Variants in MTSS2 observed in about 807,000 individuals in gnomAD.
MTSS2 encodes the protein MTSS I-BAR domain containing 2, also known as protein MTSS 2.
Under a neutral mutation model 67.1 loss-of-function variants are expected in MTSS2, and 27 were observed. That is an observed-to-expected ratio of 0.40 (90% CI 0.30 to 0.55). MTSS2 has a LOEUF of 0.55. Ranked by LOEUF, MTSS2 falls within the 20% of genes least tolerant of loss-of-function variation. The pLI, the probability that MTSS2 is intolerant of heterozygous loss-of-function variation, is 0.43. For missense variants in MTSS2, 1,171 were observed against 1,067.8 expected, an observed-to-expected ratio of 1.10 and a Z score of -1.35; for synonymous variants, 624 against 468.6, an observed-to-expected ratio of 1.33 and a Z score of -4.28.
intron 7 of MTSS2, among the ~76,000 whole-genome samples, chr16:70,678,721 C>G (rs1265254227): frequency 6.6e-6 from 1 of 152,258 alleles, no homozygotes; most frequent in African/African-American, 2.4e-5. Flanking sequence ...CTGGCCTCCA[C>G]CTGGGGTACC....
In MTSS2 at chr16:70,676,953, T is replaced by C; in HGVS notation, c.758A>G (p.Asp253Gly). ...TGGGGTCTGGTAGGACCAGCTGTAG[T>C]CCGAGCCCTTTAGGTCTTTGATTAC... ...EQVIKDLKGS[D>G]YSWSYQTPPS... The change falls in exon 10 of 15, where the codon GAC (aspartate) becomes GGC (glycine). Residue 253 changes from aspartate (D) to glycine (G), a missense_variant. By Grantham distance (94) the Asp-to-Gly change is moderately conservative. Around this residue, in one of 2 missense-constraint regions of MTSS2, gnomAD observed 924 missense variants for 756.0 expected, o/e 1.22. Transcript: ENST00000338779. The C allele has an allele frequency of 6.2e-7, 1 of 1,613,814 alleles. No individual in the cohort carries two copies. Among genetic ancestry groups the C allele is most frequent in the Non-Finnish European group, 8.5e-7 (1 of 1,179,928 alleles).
At position 70,663,885 on chromosome 16, in the gene MTSS2, C is replaced by CCCAGCTTCTCCA. The variant is rs1046982140; in HGVS notation, c.2024_2035dup (p.Val675_Leu678dup). 3 of 1,546,716 alleles carry CCCAGCTTCTCCA rather than the reference C, an allele frequency of 1.9e-6. No individual in the cohort carries two copies. Among genetic ancestry groups the CCCAGCTTCTCCA allele is most frequent in the Non-Finnish European group, 2.6e-6 (3 of 1,147,960 alleles). On this transcript the variant is annotated inframe_insertion, in exon 15 of 15. Coordinates refer to ENST00000338779, the MANE Select transcript of MTSS2 (RefSeq NM_138383.3). Reference sequence around the variant, plus strand: ...TGCGTGGGCACCCGCCACCAGCTCCCCCAGCTTCTCCACCAGGCTGTGCCG... The same window carrying CCCAGCTTCTCCA: ...TGCGTGGGCACCCGCCACCAGCTCCCCCAGCTTCTCCACCAGCTTCTCCACCAGGCTGTGCCG...
At position 70,665,447 on chromosome 16, in the gene MTSS2, C is replaced by T. The variant is rs1299085099; in HGVS notation, c.1128+19G>A. On this transcript the variant is annotated intron_variant, in intron 12 of 14. Transcript: ENST00000338779. Reference sequence around the variant, plus strand: ...GGGGCAGCTGGTGACTGTCCTGGGGCCGGGCTGGGAGCACTGACCGAGGTG... The same window carrying T: ...GGGGCAGCTGGTGACTGTCCTGGGGTCGGGCTGGGAGCACTGACCGAGGTG... 2 of 1,547,920 alleles carry T rather than the reference C, an allele frequency of 1.3e-6. No individual in the cohort carries two copies. Among genetic ancestry groups the T allele is most frequent in the East Asian group, 2.4e-5 (1 of 41,192 alleles).
chr16:70,679,137 GCCAGGGACCCCGGGGGCC>G (rs1018039092), intron 7 of MTSS2, among the ~76,000 whole-genome samples, 160 bp downstream of exon 7: 9 of 152,192 alleles, frequency 5.9e-5, no homozygotes, highest in Middle Eastern at 3.4e-3. Context: ...CTCATCCCTG[GCCAGGGACCCCGGGGGCC>G]CCAGGGGGAC....
intron 3 of MTSS2, 49 bp from the exon 4 acceptor site, chr16:70,680,104 G>C: frequency 7.6e-7 from 1 of 1,310,120 alleles, no homozygotes; most frequent in South Asian, 1.8e-5. Flanking sequence ...GGCCTGCGCA[G>C]TCCCGGCCTC....
chr16:70,680,088 C>G, intron 3 of MTSS2, 33 bp from the exon 4 acceptor site: 1 of 1,441,924 alleles, frequency 6.9e-7, no homozygotes, highest in African/African-American at 1.5e-5. Flanking sequence ...GGAAGGGGCC[C>G]GCTGGGGCCT....
At position 70,664,678 on chromosome 16, in the gene MTSS2, C is replaced by T. The variant is rs371128675; in HGVS notation, c.1391G>A (p.Arg464Gln). The change falls in exon 14 of 15, where the codon CGG (arginine) becomes CAG (glutamine). Residue 464 changes from arginine (R) to glutamine (Q), a missense_variant. Arg to Gln is a conservative substitution (Grantham distance 43, BLOSUM62 1). This residue lies in a region of MTSS2 where 924 missense variants were observed against 756.0 expected (regional missense o/e 1.22). Coordinates refer to ENST00000338779, the MANE Select transcript of MTSS2 (RefSeq NM_138383.3). ...GCCGCTGGAGTACTGCAGCGAGTCC[C>T]GGCTGCTCTTCTGGTGCTCCAGGCT... ...GLSLEHQKSSRDSLQYSSGYS... is the reference protein window; with the variant it reads ...GLSLEHQKSSQDSLQYSSGYS... The T allele has an allele frequency of 1.2e-5, 20 of 1,613,338 alleles. No homozygotes were observed. Among genetic ancestry groups the T allele is most frequent in the East Asian group, 6.7e-5 (3 of 44,866 alleles).
chr16:70,665,320 G>C, intron 12 of MTSS2, 146 bp downstream of exon 12: 1 of 996,224 alleles, frequency 1.0e-6, no homozygotes, highest in Non-Finnish European at 1.4e-6. Flanking sequence ...GAAATGGCCA[G>C]GTGGCTTGTC....
chr16:70,665,442 T>G, intron 12 of MTSS2, 24 bp downstream of exon 12: 1 of 1,546,548 alleles, frequency 6.5e-7, no homozygotes, highest in Non-Finnish European at 8.7e-7. Flanking sequence ...GTGACTGTCC[T>G]GGGGCCGGGC....
rs570244146 is a variant in MTSS2 at position 70,661,744 on chromosome 16, C to G, written c.*1933G>C. On this transcript the variant is annotated 3_prime_UTR_variant, in exon 15 of 15. Transcript: ENST00000338779. ...CGGAGTCGGTGGGGGCTGTGCCACA[C>G]GAGCCCCCCTCTCTGGGTAGCCCCT... 4.8e-6 allele frequency: 1 copy of G among 209,036 alleles called. No individual in the cohort carries two copies. The highest frequency in any genetic ancestry group is 9.7e-6 in the Non-Finnish European group (1 of 103,476). The allele number at this position is 209,036 out of a possible 1,614,324, so 12.9% of individuals were successfully genotyped here.
intron 13 of MTSS2, 29 bp from the exon 14 acceptor site, chr16:70,664,792 C>T (rs376650494): frequency 1.9e-5 from 30 of 1,580,058 alleles, no homozygotes; most frequent in South Asian, 3.4e-5. Flanking sequence ...AGGCTGAAGC[C>T]TTGCGCCCCC....
chr16:70,678,194 G>T, intron 8 of MTSS2, 58 bp downstream of exon 8: 1 of 1,535,440 alleles, frequency 6.5e-7, no homozygotes, highest in Non-Finnish European at 8.7e-7. Flanking sequence ...TTGGAGGTCA[G>T]AAGGTCAACC....
At position 70,664,746 on chromosome 16, in the gene MTSS2, G is replaced by A. The variant is rs2052636136; in HGVS notation, c.1323C>T (p.Ser441=). 3 of 1,611,788 alleles carry A rather than the reference G, an allele frequency of 1.9e-6. No individual in the cohort carries two copies. The change falls in exon 14 of 15, where the codon TCC becomes TCT. Residue 441 remains serine (S), a synonymous_variant. Transcript: ENST00000338779. ...CCATGGCCAGGTCACTGGCGGCGGG[G>A]GACACCTCCTCACCGTGCTGAGGGT... ...TIAAKHGEEV[S]PAASDLAMVL...
In MTSS2 at chr16:70,665,551, G is replaced by C; in HGVS notation, c.1054-11C>G. ...AGAGCTGGAGGACTTCTGCCATGCAGAGGCCAGCAGGCGGTTGCAGACAGA... is the reference window on the plus strand; with the variant it reads ...AGAGCTGGAGGACTTCTGCCATGCACAGGCCAGCAGGCGGTTGCAGACAGA... On this transcript the variant is annotated splice_polypyrimidine_tract_variant and intron_variant, in intron 11 of 14. Transcript: ENST00000338779. The C allele has an allele frequency of 6.5e-7, 1 of 1,545,764 alleles. No homozygotes were observed.
intron 11 of MTSS2, 45 bp downstream of exon 11, chr16:70,674,261 G>C: frequency 3.2e-6 from 5 of 1,576,674 alleles, no homozygotes; most frequent in Non-Finnish European, 4.3e-6. Flanking sequence ...GCTGGCATAA[G>C]GCTGCTGCAC....
intron 1 of MTSS2, among the ~76,000 whole-genome samples, chr16:70,683,499 G>C (rs1025281447): frequency 6.6e-6 from 1 of 152,222 alleles, no homozygotes; most frequent in African/African-American, 2.4e-5. Flanking sequence ...TGAAGAGTAT[G>C]ACCCCATTTT....
intron 10 of MTSS2, among the ~76,000 whole-genome samples, chr16:70,675,934 C>T (rs1425534883): frequency 6.6e-6 from 1 of 152,242 alleles, no homozygotes; most frequent in Non-Finnish European, 1.5e-5. Flanking sequence ...GGGTGGTGTT[C>T]CTGGCTAAGC....
intron 12 of MTSS2, 78 bp from the exon 13 acceptor site, chr16:70,665,174 G>C (rs1171095490): frequency 1.4e-6 from 2 of 1,473,498 alleles, no homozygotes; most frequent in Non-Finnish European, 1.8e-6. Flanking sequence ...CTGTGGCTGA[G>C]GCTCAGGGTG....
chr16:70,664,949 G>T lies in MTSS2; in HGVS notation c.1276C>A (p.Arg426=). The part of the protein sequence containing the change: ...GPSGEEAPRP[R]MSPATIAAKH... ...GCTGCGATGGTGGCAGGGGACATCC[G>T]GGGTCGCGGTGCCTCTTCCCCGCTG... Residue 426 remains arginine, a synonymous_variant, in exon 13 of 15, where the codon CGG becomes AGG. Transcript: ENST00000338779. 6.4e-7 allele frequency: 1 copy of T among 1,563,292 alleles called. No individual in the cohort carries two copies. The highest frequency in any genetic ancestry group is 8.6e-7 in the Non-Finnish European group (1 of 1,161,954).
Sources: gnomAD v4.1 joint callset for allele counts (sites outside exome capture counted in the v4.1 genomes callset) on GRCh38, gnomAD v4.1.1 for gene constraint, gnomAD v4.1.1 regional missense constraint, MANE v1.5 for transcripts, NCBI Gene and HGNC (gene_info 2026-07-23, HGNC 2026-07-21) for gene names.